Variants in PADI1 observed in about 807,000 individuals in gnomAD.
PADI1 encodes peptidyl arginine deiminase 1, also known as protein-arginine deiminase type-1.
Under a neutral mutation model 74.8 loss-of-function variants are expected in PADI1, and 65 were observed. The ratio of observed to expected loss-of-function variants is 0.87; its 90% CI spans 0.71 to 1.07. The LOEUF is 1.07. Ranked by LOEUF, PADI1 falls within the 50% of genes least tolerant of loss-of-function variation. PADI1 has a pLI of 0.00. For missense variants in PADI1, 943 were observed against 854.0 expected (o/e 1.10, Z -1.30); for synonymous variants, 371 against 336.2 (o/e 1.10, Z -1.13).
chr1:17,218,507 A>G (rs2072040387), intron 1 of PADI1, among the ~76,000 whole-genome samples: 1 of 152,084 alleles, frequency 6.6e-6, no homozygotes, highest in Non-Finnish European at 1.5e-5. Flanking sequence ...GCCAAGTGGG[A>G]AAGTGTTTCA....
In PADI1 at chr1:17,244,048, C is replaced by G. The variant is rs764757537; in HGVS notation, c.1797C>G (p.Pro599=). The change falls in exon 16 of 16, where the codon CCC becomes CCG. Residue 599 remains proline, a synonymous_variant. Transcript: ENST00000375471. ...TCTTAGGCAAGTACCTGGGCATCCC[C>G]AAGCCCTACGGGCCCATCATCAATG... ...MVVLGKYLGI[P]KPYGPIINGR... 1.2e-6 allele frequency: 2 copies of G among 1,614,178 alleles called. No homozygotes were observed. The highest frequency in any genetic ancestry group is 1.7e-6 in the Non-Finnish European group (2 of 1,180,018).
chr1:17,230,317 C>A, intron 9 of PADI1, 109 bp downstream of exon 9: 1 of 1,389,202 alleles, frequency 7.2e-7, no homozygotes, highest in Non-Finnish European at 9.7e-7. Context: ...GCAGCCTGGG[C>A]CAGGCCTCTG....
At chr1:17,233,745 C>T (rs902440404) in intron 11 of PADI1, among the ~76,000 whole-genome samples, 1 of 152,198 alleles carries the variant, frequency 6.6e-6, no homozygotes, top group Non-Finnish European at 1.5e-5. Context: ...CACTTACCCC[C>T]CAAGCCCTGG....
intron 10 of PADI1, among the ~76,000 whole-genome samples, chr1:17,232,106 C>T (rs1231081073): frequency 6.6e-6 from 1 of 152,126 alleles, no homozygotes; most frequent in African/African-American, 2.4e-5. Context: ...ACCACCACGC[C>T]TGGCTAATTT....
At position 17,243,421 on chromosome 1, in the gene PADI1, C is replaced by T. The variant is rs375895796; in HGVS notation, c.1759-589C>T. The stretch of plus-strand genomic sequence containing the variant: ...ATCCAAGTCCAAATGTCAGTCTCAT[C>T]ATTCTCTGGCTGTATGATTATGTGA... On this transcript the variant is annotated intron_variant, in intron 15 of 15. Coordinates refer to ENST00000375471, the MANE Select transcript of PADI1 (RefSeq NM_013358.3). Among the ~76,000 whole-genome samples, 14 of 152,266 alleles carry T rather than the reference C, an allele frequency of 9.2e-5. 1 individual carries two copies. In the East Asian group the frequency reaches 1.3e-3, roughly 15 times the overall value.
At chr1:17,213,661 A>G (rs988521007) in intron 1 of PADI1, among the ~76,000 whole-genome samples, 4 of 152,214 alleles carry the variant, frequency 2.6e-5, no homozygotes, top group Non-Finnish European at 4.4e-5. Flanking sequence ...AGATGAGATC[A>G]TGGATAGCAA....
chr1:17,222,256 G>T, intron 1 of PADI1, 34 bp from the exon 2 acceptor site: 1 of 1,567,900 alleles, frequency 6.4e-7, no homozygotes, highest in South Asian at 1.1e-5. Context: ...GAGATGGGAA[G>T]ACTGGTTCTC....
intron 1 of PADI1, among the ~76,000 whole-genome samples, chr1:17,217,371 G>T (rs772365970): frequency 6.6e-6 from 1 of 152,102 alleles, no homozygotes; most frequent in Non-Finnish European, 1.5e-5. Flanking sequence ...AACTAGAAAT[G>T]TACGATTATT....
intron 1 of PADI1, among the ~76,000 whole-genome samples, chr1:17,215,588 C>T (rs2071955664): frequency 6.6e-6 from 1 of 152,130 alleles, no homozygotes; most frequent in Non-Finnish European, 1.5e-5. Flanking sequence ...AACCCTTCTG[C>T]TGCCAGCTGG....
intron 15 of PADI1, among the ~76,000 whole-genome samples, chr1:17,243,741 T>G (rs1173560542): frequency 6.6e-6 from 1 of 151,282 alleles, no homozygotes; most frequent in Non-Finnish European, 1.5e-5. Context: ...GTGGGAGAAG[T>G]TTTTTTTTGT....
intron 1 of PADI1, among the ~76,000 whole-genome samples, chr1:17,208,201 C>G (rs2071730855): frequency 2.0e-5 from 3 of 152,186 alleles, no homozygotes; most frequent in Admixed American, 1.3e-4. Context: ...TCTGAGCCCT[C>G]CAGGAGATGG....
chr1:17,234,839 C>G (rs1485031830), intron 11 of PADI1, among the ~76,000 whole-genome samples: 2 of 152,114 alleles, frequency 1.3e-5, no homozygotes, highest in Non-Finnish European at 2.9e-5. Flanking sequence ...TCCTAGAAGG[C>G]TTCCTAGGGG....
intron 1 of PADI1, among the ~76,000 whole-genome samples, chr1:17,213,844 G>A (rs185671248): frequency 1.4e-3 from 216 of 152,292 alleles, no homozygotes; most frequent in Middle Eastern, 3.4e-3. Context: ...TCCTCATCCC[G>A]CCCTCCGCGT....
chr1:17,220,623 T>C (rs962390184), intron 1 of PADI1, among the ~76,000 whole-genome samples: 4 of 152,082 alleles, frequency 2.6e-5, no homozygotes, highest in African/African-American at 4.8e-5. Context: ...GGACTTGACC[T>C]TGGGTGGTGT....
intron 1 of PADI1, among the ~76,000 whole-genome samples, chr1:17,214,983 G>T (rs886832424): frequency 2.0e-5 from 3 of 152,206 alleles, no homozygotes; most frequent in Admixed American, 2.0e-4. Context: ...TCCTGCTGGG[G>T]TACCTGCCGC....
intron 1 of PADI1, among the ~76,000 whole-genome samples, chr1:17,214,985 A>C (rs1569760344): frequency 6.6e-6 from 1 of 152,142 alleles, no homozygotes; most frequent in African/African-American, 2.4e-5. Context: ...CTGCTGGGGT[A>C]CCTGCCGCTC....
chr1:17,237,275 A>G (rs376421409), intron 11 of PADI1, 39 bp from the exon 12 acceptor site: 6 of 1,563,844 alleles, frequency 3.8e-6, no homozygotes, highest in Non-Finnish European at 2.6e-6. Context: ...GATGCCTCTC[A>G]GGCACAAGGT....
rs938451514 is a variant in PADI1, at chr1:17,205,146, T to C, written c.-72T>C. On this transcript the variant is annotated 5_prime_UTR_variant, in exon 1 of 16. Coordinates refer to ENST00000375471, the MANE Select transcript of PADI1 (RefSeq NM_013358.3). ...GTCCATCAGAACTCACACTTCTTCC[T>C]GGCAAAGAAGTGCCCAGGACGGGAG... 1.4e-5 allele frequency: 17 copies of C among 1,236,134 alleles called. No individual in the cohort carries two copies. The South Asian group carries it at 2.1e-4, about 15-fold the overall frequency. The allele number at this position is 1,236,134 out of a possible 1,614,324, so 76.6% of individuals were successfully genotyped here.
Position 17,229,199 on chromosome 1 carries a change from G to A in PADI1, c.929+148G>A, listed in dbSNP as rs192096051. On this transcript the variant is annotated intron_variant, in intron 8 of 15. Transcript: ENST00000375471. ...AGCTGGTGGCAGGACAGCAGCAGGT[G>A]GGCTGGGGCCCCACCCTGCCCAACC... 2,032 of 650,590 alleles carry A rather than the reference G, an allele frequency of 3.1e-3. 4 individuals carry two copies. Among genetic ancestry groups the A allele is most frequent in the Non-Finnish European group, 4.6e-3 (1,712 of 372,428 alleles). The allele number at this position is 650,590 out of a possible 1,614,324, so 40.3% of individuals were successfully genotyped here.
Sources: gnomAD v4.1 joint callset for allele counts (sites outside exome capture counted in the v4.1 genomes callset) on GRCh38, gnomAD v4.1.1 for gene constraint, MANE v1.5 for transcripts, NCBI Gene and HGNC (gene_info 2026-07-23, HGNC 2026-07-21) for gene names.